The following ABI3BP variants were observed in gnomAD, a reference collection of about 807,000 sequenced individuals.
The protein encoded by ABI3BP is ABI family member 3 binding protein.
Under a neutral mutation model 268.6 loss-of-function variants are expected in ABI3BP, and 216 were observed. The ratio of observed to expected loss-of-function variants is 0.80; its 90% CI spans 0.72 to 0.90. The LOEUF (loss-of-function observed/expected upper bound fraction) is 0.90, where lower values mean the gene tolerates loss of function less well. Ranked by LOEUF, ABI3BP falls within the 40% of genes least tolerant of loss-of-function variation. ABI3BP has a pLI of 0.00. For missense variants in ABI3BP, 2,090 were observed against 2,182.4 expected, an observed-to-expected ratio of 0.96 and a Z score of 0.84; for synonymous variants, 730 against 730.0, an observed-to-expected ratio of 1.00 and a Z score of 0.00.
At chr3:100,814,115 G>A (rs1363115809) in intron 44 of ABI3BP, among the ~76,000 whole-genome samples, 1 of 151,882 alleles carries the variant, frequency 6.6e-6, no homozygotes, top group Non-Finnish European at 1.5e-5. Flanking sequence ...GAATTGAGTA[G>A]CTATAACAGA....
chr3:100,877,817 T>C (rs552990901), intron 6 of ABI3BP, among the ~76,000 whole-genome samples: 32 of 152,326 alleles, frequency 2.1e-4, no homozygotes, highest in African/African-American at 7.0e-4. Context: ...GCTTACCAGA[T>C]AGGTGTTTAC....
At chr3:100,835,785 ATT>A (rs1161459132) in intron 27 of ABI3BP, 125 bp from the exon 28 acceptor site, 3 of 805,538 alleles carry the variant, frequency 3.7e-6, no homozygotes, top group Non-Finnish European at 5.7e-6. Context: ...GGAAAATAGT[ATT>A]TGTTTTCCCC....
chr3:100,944,190 T>C (rs1374475328), intron 1 of ABI3BP, among the ~76,000 whole-genome samples: 2 of 152,204 alleles, frequency 1.3e-5, no homozygotes, highest in Non-Finnish European at 2.9e-5. Context: ...ATGATTTTCA[T>C]GAAGATGAAA....
At chr3:100,987,647 T>C (rs996437829) in intron 1 of ABI3BP, among the ~76,000 whole-genome samples, 4 of 152,220 alleles carry the variant, frequency 2.6e-5, no homozygotes, top group African/African-American at 9.6e-5. Flanking sequence ...TGTTGACTAT[T>C]GATTATTAAG....
chr3:100,802,321 TG>T (rs1216103832), intron 51 of ABI3BP, among the ~76,000 whole-genome samples: 1 of 152,180 alleles, frequency 6.6e-6, no homozygotes, highest in Admixed American at 6.5e-5. Flanking sequence ...TCCCAATGCC[TG>T]GGGGTCAGAA....
intron 31 of ABI3BP, among the ~76,000 whole-genome samples, 153 bp from the exon 32 acceptor site, chr3:100,830,787 G>A (rs561490277): frequency 1.3e-5 from 2 of 152,028 alleles, no homozygotes; most frequent in Admixed American, 6.5e-5. Flanking sequence ...TTTTTCCTTT[G>A]AATATTTCTC....
intron 9 of ABI3BP, among the ~76,000 whole-genome samples, chr3:100,868,897 G>T (rs1561050931): frequency 6.6e-6 from 1 of 151,210 alleles, no homozygotes; most frequent in East Asian, 1.9e-4. Flanking sequence ...CATTCTGATT[G>T]TCAACACAGA....
chr3:100,982,870 G>A (rs2090217849), intron 1 of ABI3BP, among the ~76,000 whole-genome samples: 1 of 152,098 alleles, frequency 6.6e-6, no homozygotes, highest in Non-Finnish European at 1.5e-5. Flanking sequence ...AGTGAAAGGA[G>A]AAGGAAATTG....
At chr3:100,844,674 C>A (rs918875734) in intron 20 of ABI3BP, among the ~76,000 whole-genome samples, 1 of 152,132 alleles carries the variant, frequency 6.6e-6, no homozygotes, top group Non-Finnish European at 1.5e-5. Context: ...CAATGGTTTG[C>A]GGAGATCCAG....
intron 2 of ABI3BP, chr3:100,911,831 GT>G (rs755456291): frequency 6.3e-7 from 1 of 1,594,918 alleles, no homozygotes; most frequent in Non-Finnish European, 8.6e-7. Flanking sequence ...GCTCCTGCAA[GT>G]TTTTGTGAAG....
chr3:100,985,392 G>T (rs902844527), intron 1 of ABI3BP, among the ~76,000 whole-genome samples: 1 of 151,764 alleles, frequency 6.6e-6, no homozygotes, highest in Non-Finnish European at 1.5e-5. Flanking sequence ...CTCGTGATCC[G>T]CCCGCCTTGG....
chr3:100,798,376 A>G (rs780293335), intron 51 of ABI3BP, among the ~76,000 whole-genome samples: 1 of 152,132 alleles, frequency 6.6e-6, no homozygotes, highest in Non-Finnish European at 1.5e-5. Flanking sequence ...TTGGTCAACT[A>G]CAGCTCCAAG....
intron 4 of ABI3BP, among the ~76,000 whole-genome samples, chr3:100,889,015 T>C (rs2153424398): frequency 6.6e-6 from 1 of 152,236 alleles, no homozygotes; most frequent in East Asian, 1.9e-4. Flanking sequence ...AATTAGACTA[T>C]AATATCTCTA....
In ABI3BP at chr3:100,818,596, T is replaced by C. The variant is rs2098122414; in HGVS notation, c.3032-15A>G. 6.5e-7 allele frequency: 1 copy of C among 1,528,882 alleles called. No individual in the cohort carries two copies. The highest frequency in any genetic ancestry group is 1.4e-5 in the African/African-American group (1 of 72,964). 94.7% of individuals were successfully genotyped at this position (1,528,882 alleles called of 1,614,324 possible). ...TGTAGAAGGAACTAATTAAAAGCAATGAAATAAACTTGTGAAAAGCCAGTA... is the reference window on the plus strand; with the variant it reads ...TGTAGAAGGAACTAATTAAAAGCAACGAAATAAACTTGTGAAAAGCCAGTA... On this transcript the variant is annotated splice_polypyrimidine_tract_variant and intron_variant, in intron 40 of 67. Coordinates refer to ENST00000471714, the MANE Select transcript of ABI3BP (RefSeq NM_001375547.2).
chr3:100,841,010 C>T (rs1423039525), intron 21 of ABI3BP, among the ~76,000 whole-genome samples, 152 bp from the exon 22 acceptor site: 2 of 152,040 alleles, frequency 1.3e-5, no homozygotes, highest in South Asian at 2.1e-4. Context: ...TTCTTTTCTA[C>T]TTCAATAGAT....
intron 63 of ABI3BP, among the ~76,000 whole-genome samples, chr3:100,760,819 C>T (rs1329853460): frequency 6.6e-6 from 1 of 152,114 alleles, no homozygotes; most frequent in Non-Finnish European, 1.5e-5. Flanking sequence ...TAACAAGAGG[C>T]ATACATTGCC....
intron 6 of ABI3BP, among the ~76,000 whole-genome samples, chr3:100,879,056 G>A (rs2099197399): frequency 6.6e-6 from 1 of 152,028 alleles, no homozygotes; most frequent in African/African-American, 2.4e-5. Flanking sequence ...CAGCAATTTT[G>A]AACTATACAT....
intron 6 of ABI3BP, among the ~76,000 whole-genome samples, chr3:100,877,539 G>T (rs76425552): frequency 2.0e-5 from 3 of 152,134 alleles, no homozygotes; most frequent in Admixed American, 6.6e-5. Flanking sequence ...AGGTTCTGAC[G>T]TCATAAAGTA....
At chr3:100,751,702 A>G (rs1482477965) in intron 66 of ABI3BP, 28 bp from the exon 67 acceptor site, 12 of 1,562,206 alleles carry the variant, frequency 7.7e-6, no homozygotes, top group Non-Finnish European at 1.0e-5. Context: ...AAAAGGATAA[A>G]GTTTACTTTC....
Sources: allele counts gnomAD v4.1 joint callset (sites outside exome capture counted in the v4.1 genomes callset), GRCh38; gene constraint gnomAD v4.1.1; transcripts MANE v1.5; gene names NCBI Gene and HGNC (gene_info 2026-07-23, HGNC 2026-07-21).